PPFIA2: variants seen among roughly 807,000 people sequenced by gnomAD.
PPFIA2 encodes the protein PPFI scaffold protein A2.
A neutral mutation model predicts 175.5 loss-of-function variants in PPFIA2; 46 were observed. The observed-to-expected ratio is 0.26, with a 90% CI of 0.21 to 0.34. The LOEUF is 0.34. Ranked by LOEUF, PPFIA2 falls within the 10% of genes least tolerant of loss-of-function variation. The pLI is 1.00. For synonymous variants in PPFIA2, 568 were observed against 511.4 expected (o/e 1.11, Z -1.49); for missense variants, 1,179 against 1,506.1 (o/e 0.78, Z 3.60).
rs11114850 is a variant in PPFIA2 at position 81,412,012 on chromosome 12, T to C, written c.646-6109A>G. On this transcript the variant is annotated intron_variant, in intron 7 of 32. Transcript: ENST00000549396. ...TGTAAATAACTATTGAAAACAAATA[T>C]TGAGATTTATAACAATATTTCAGGG... 1.4e-3 allele frequency among the ~76,000 whole-genome samples: 211 copies of C among 151,946 alleles called. 1 individual carries two copies. The East Asian group carries it at 0.034, about 24-fold the overall frequency.
In PPFIA2 at chr12:81,339,255, G is replaced by A. The variant is rs767724371; in HGVS notation, c.2473C>T (p.Pro825Ser). 8 of 1,610,578 alleles carry A rather than the reference G, an allele frequency of 5.0e-6. No individual in the cohort carries two copies. Among genetic ancestry groups the A allele is most frequent in the South Asian group, 1.1e-5 (1 of 90,590 alleles). ...NSSQDSLHKA[P>S]KKKGIKSSIG... is the part of the protein sequence containing the mutation. The stretch of plus-strand genomic sequence containing the variant: ...GAAGACTTGATTCCTTTCTTCTTGG[G>A]GGCTTTGTGAAGAGAGTCTTGGCTG... The change falls in exon 21 of 33, where the codon CCC becomes TCC. Residue 825 changes from proline to serine, a missense_variant. Pro to Ser is a moderately conservative substitution (Grantham distance 74). This residue lies in a region of PPFIA2 where 223 missense variants were observed against 241.6 expected (regional missense o/e 0.92). Coordinates refer to ENST00000549396, the MANE Select transcript of PPFIA2 (RefSeq NM_003625.5).
intron 11 of PPFIA2, among the ~76,000 whole-genome samples, chr12:81,371,837 C>A (rs770375730): frequency 1.5e-4 from 22 of 151,390 alleles, no homozygotes; most frequent in Non-Finnish European, 3.2e-4. Context: ...TTAGTTGTAT[C>A]CATAACCATT....
At chr12:81,437,104 A>T (rs1222771073) in intron 7 of PPFIA2, among the ~76,000 whole-genome samples, 1 of 152,170 alleles carries the variant, frequency 6.6e-6, no homozygotes, top group Non-Finnish European at 1.5e-5. Flanking sequence ...TTATAATAAT[A>T]CTCGAGGGAT....
At chr12:81,703,948 T>C (rs913310868) in intron 3 of PPFIA2, among the ~76,000 whole-genome samples, 2 of 152,198 alleles carry the variant, frequency 1.3e-5, no homozygotes, top group African/African-American at 4.8e-5. Flanking sequence ...TTTGACTTAT[T>C]ATTCTATTCC....
chr12:81,757,999 A>G (rs978783184), intron 2 of PPFIA2, among the ~76,000 whole-genome samples: 1 of 152,132 alleles, frequency 6.6e-6, no homozygotes, highest in Non-Finnish European at 1.5e-5. Flanking sequence ...TCTCCCTCCT[A>G]TTTAACTCTT....
At chr12:81,529,244 A>G (rs1409372176) in intron 4 of PPFIA2, among the ~76,000 whole-genome samples, 1 of 152,072 alleles carries the variant, frequency 6.6e-6, no homozygotes, top group Non-Finnish European at 1.5e-5. Context: ...TTTCTGTGTT[A>G]CATAAAGATA....
rs913758071 is a variant in PPFIA2, at chr12:81,258,000, G to T, written c.*1694C>A. ...AATCTAGTTATGGCATTATAATGTCGTAGTTCCTATATTCTATTTCATTTC... is the reference window on the plus strand; with the variant it reads ...AATCTAGTTATGGCATTATAATGTCTTAGTTCCTATATTCTATTTCATTTC... On this transcript the variant is annotated 3_prime_UTR_variant, in exon 33 of 33. Transcript: ENST00000549396. 2.0e-5 allele frequency: 3 copies of T among 151,982 alleles called. No homozygotes were observed. The highest frequency in any genetic ancestry group is 2.9e-5 in the Non-Finnish European group (2 of 67,970). 9.4% of individuals were successfully genotyped at this position (151,982 alleles called of 1,614,324 possible).
At chr12:81,466,968 A>T (rs929668478) in intron 4 of PPFIA2, among the ~76,000 whole-genome samples, 2 of 149,262 alleles carry the variant, frequency 1.3e-5, no homozygotes, top group African/African-American at 4.9e-5. Flanking sequence ...AAAACCATGC[A>T]GTTTTTTTCT....
intron 4 of PPFIA2, among the ~76,000 whole-genome samples, chr12:81,523,255 G>A (rs2063360767): frequency 1.3e-5 from 2 of 152,136 alleles, no homozygotes; most frequent in Non-Finnish European, 2.9e-5. Flanking sequence ...AGGCACAGGA[G>A]TTTGTTAGCA....
intron 14 of PPFIA2, 126 bp from the exon 15 acceptor site, chr12:81,362,910 C>T (rs1362972731): frequency 3.7e-6 from 2 of 534,294 alleles, no homozygotes; most frequent in Non-Finnish European, 6.3e-6. Context: ...GGTTATTACA[C>T]ATAATAATAA....
intron 4 of PPFIA2, among the ~76,000 whole-genome samples, chr12:81,580,411 G>A (rs533846045): frequency 1.3e-5 from 2 of 151,604 alleles, no homozygotes; most frequent in Non-Finnish European, 2.9e-5. Flanking sequence ...TAGGGAAAAC[G>A]GTTTGCTATT....
chr12:81,657,802 G>A (rs192209693), intron 4 of PPFIA2, among the ~76,000 whole-genome samples: 67 of 152,142 alleles, frequency 4.4e-4, no homozygotes, highest in African/African-American at 1.5e-3. Flanking sequence ...AGATCTTAAT[G>A]TAATGCAAAT....
At chr12:81,556,289 T>A (rs1351766334) in intron 4 of PPFIA2, among the ~76,000 whole-genome samples, 1 of 151,946 alleles carries the variant, frequency 6.6e-6, no homozygotes, top group Non-Finnish European at 1.5e-5. Flanking sequence ...ATTAATCAGA[T>A]GAATACATAA....
At chr12:81,719,315 C>T (rs1227269479) in intron 3 of PPFIA2, among the ~76,000 whole-genome samples, 1 of 151,498 alleles carries the variant, frequency 6.6e-6, no homozygotes, top group Non-Finnish European at 1.5e-5. Flanking sequence ...AAAGCCATAT[C>T]TTGTTTTCTT....
intron 4 of PPFIA2, among the ~76,000 whole-genome samples, chr12:81,492,224 C>CTT (rs3075417): frequency 0.076 from 11,464 of 150,922 alleles, 558 homozygotes; most frequent in East Asian, 0.2. Context: ...CTCAATTACT[C>CTT]TTTTTTTTTC....
intron 4 of PPFIA2, among the ~76,000 whole-genome samples, chr12:81,657,376 A>C (rs2067956259): frequency 6.6e-6 from 1 of 152,190 alleles, no homozygotes; most frequent in Non-Finnish European, 1.5e-5. Flanking sequence ...TGCAGTACCA[A>C]CTTACTGGGG....
intron 3 of PPFIA2, among the ~76,000 whole-genome samples, chr12:81,707,832 C>T (rs1025974581): frequency 8.0e-5 from 12 of 150,496 alleles, no homozygotes; most frequent in African/African-American, 2.2e-4. Flanking sequence ...CCATGGAATA[C>T]TATGCAGCCA....
chr12:81,439,992 G>T lies in PPFIA2; in HGVS notation c.625C>A (p.Leu209Ile). ...GTTACCTCCTGATTAGCAGCAGCTA[G>T]TTCTTCTTCCAGTGCAGAGACTCTT... ...LERVSALEEE[L>I]AAANQEIVAL... is the part of the protein sequence containing the mutation. Residue 209 changes from leucine (L) to isoleucine (I), a missense_variant, in exon 7 of 33, where the codon CTA (leucine) becomes ATA (isoleucine). By Grantham distance (5) the Leu-to-Ile change is conservative. Coordinates refer to ENST00000549396, the MANE Select transcript of PPFIA2 (RefSeq NM_003625.5). 6.2e-7 allele frequency: 1 copy of T among 1,606,926 alleles called. No individual in the cohort carries two copies.
At chr12:81,744,589 A>T (rs1568103152) in intron 3 of PPFIA2, among the ~76,000 whole-genome samples, 2 of 151,588 alleles carry the variant, frequency 1.3e-5, no homozygotes, top group East Asian at 1.9e-4. Flanking sequence ...TGCCCCGCTA[A>T]TTTTTTTTGT....
Sources: gnomAD v4.1 joint callset for allele counts (sites outside exome capture counted in the v4.1 genomes callset) on GRCh38, gnomAD v4.1.1 for gene constraint, gnomAD v4.1.1 regional missense constraint, MANE v1.5 for transcripts, NCBI Gene and HGNC (gene_info 2026-07-23, HGNC 2026-07-21) for gene names.